Variants in SMCHD1 observed in about 807,000 individuals in gnomAD.
SMCHD1 encodes structural maintenance of chromosomes flexible hinge domain-containing protein 1.
Under a neutral mutation model 254.7 loss-of-function variants are expected in SMCHD1, and 78 were observed. The ratio of observed to expected loss-of-function variants is 0.31; its 90% CI spans 0.26 to 0.37. SMCHD1 has a LOEUF of 0.37. Among genes scored for constraint, SMCHD1 ranks in the 10% least tolerant of loss-of-function variants. SMCHD1 has a pLI of 1.00. For missense variants in SMCHD1, 1,840 were observed against 2,408.1 expected (o/e 0.76, Z 4.94); for synonymous variants, 766 against 794.9 (o/e 0.96, Z 0.61).
At position 2,718,162 on chromosome 18, in the gene SMCHD1, A is replaced by G; in HGVS notation, c.2265A>G (p.Ser755=). The change falls in exon 18 of 48, where the codon TCA becomes TCG. Residue 755 remains serine (S), a synonymous_variant. Coordinates refer to ENST00000320876, the MANE Select transcript of SMCHD1 (RefSeq NM_015295.3). This position sits in a 1 kb window ranked among gnomAD's most constrained non-coding sequence, Gnocchi z 4.6. The stretch of plus-strand genomic sequence containing the variant: ...TTTCTTTTTTCTTTTATTAAGCTTC[A>G]AGTGGAAATAAAGAGATTATTTCGC... ...LVELKVILHS[S]SGNKEIISHI... is the part of the protein sequence containing the mutation. The G allele has an allele frequency of 6.2e-7, 1 of 1,605,644 alleles. No homozygotes were observed. Among genetic ancestry groups the G allele is most frequent in the Non-Finnish European group, 8.5e-7 (1 of 1,176,114 alleles).
intron 2 of SMCHD1, 151 bp from the exon 3 acceptor site, chr18:2,666,719 T>G: frequency 1.8e-6 from 1 of 569,084 alleles, no homozygotes; most frequent in Non-Finnish European, 3.0e-6. Flanking sequence ...TTAATATCCT[T>G]AACATGACTT....
At chr18:2,762,264 G>C (rs761563742) in intron 36 of SMCHD1, 28 bp downstream of exon 36, 18 of 1,606,544 alleles carry the variant, frequency 1.1e-5, no homozygotes, top group Non-Finnish European at 1.4e-5. Flanking sequence ...CCAAAACTGC[G>C]AAGGGTAACA....
intron 1 of SMCHD1, among the ~76,000 whole-genome samples, chr18:2,663,941 T>G (rs986760424): frequency 4.6e-5 from 7 of 152,140 alleles, no homozygotes; most frequent in East Asian, 3.9e-4. Flanking sequence ...GGTCTCGATC[T>G]CCTGCCCTCG....
At chr18:2,725,047 A>G in intron 21 of SMCHD1, 52 bp downstream of exon 21, 1 of 1,066,900 alleles carries the variant, frequency 9.4e-7, no homozygotes, top group Non-Finnish European at 1.3e-6. Flanking sequence ...TATTTATCAT[A>G]TGGTAAGAAT....
chr18:2,667,244 CTAG>C (rs1432167534), intron 3 of SMCHD1, among the ~76,000 whole-genome samples: 2 of 152,150 alleles, frequency 1.3e-5, no homozygotes, highest in Non-Finnish European at 2.9e-5. Context: ...AGCTAACCTA[CTAG>C]TAGAACTTTT....
chr18:2,735,022 A>G (rs1296271866), intron 25 of SMCHD1, among the ~76,000 whole-genome samples: 1 of 151,854 alleles, frequency 6.6e-6, no homozygotes, highest in Admixed American at 6.6e-5. Flanking sequence ...GTGAGCCAAG[A>G]TTGCGCCACT....
chr18:2,700,748 ACTC>A lies in SMCHD1; in HGVS notation c.1483_1485del (p.Pro495del). Reference sequence around the variant, plus strand: ...GTTCTGTTCAAGCTTTGACTGGTGTACTCCTCCTAAGAAGAGAGGGCTTGCACC... The same window carrying A: ...GTTCTGTTCAAGCTTTGACTGGTGTACTCCTAAGAAGAGAGGGCTTGCACC... On this transcript the variant is annotated inframe_deletion, in exon 12 of 48. Transcript: ENST00000320876. The A allele has an allele frequency of 1.2e-6, 2 of 1,610,482 alleles. No individual in the cohort carries two copies. Among genetic ancestry groups the A allele is most frequent in the Non-Finnish European group, 1.7e-6 (2 of 1,178,288 alleles).
intron 4 of SMCHD1, 100 bp downstream of exon 4, chr18:2,673,463 G>T: frequency 1.1e-6 from 1 of 883,050 alleles, no homozygotes; most frequent in Non-Finnish European, 1.6e-6. Context: ...ACTAAAAGTA[G>T]AAATAATTGT....
chr18:2,745,473 G>A (rs981365517), intron 29 of SMCHD1, among the ~76,000 whole-genome samples: 8 of 152,208 alleles, frequency 5.3e-5, no homozygotes, highest in African/African-American at 1.9e-4. Flanking sequence ...CAGATAAACT[G>A]GTTGTGACAG....
At chr18:2,658,614 T>A (rs1448497844) in intron 1 of SMCHD1, among the ~76,000 whole-genome samples, 1 of 152,182 alleles carries the variant, frequency 6.6e-6, no homozygotes, top group African/African-American at 2.4e-5. Flanking sequence ...AAAAGAAGGC[T>A]GAGAAGGCTA....
In SMCHD1 at chr18:2,702,910, G is replaced by A. The variant is rs142410648; in HGVS notation, c.1648-782G>A. On this transcript the variant is annotated intron_variant, in intron 12 of 47. Transcript: ENST00000320876. Reference sequence around the variant, plus strand: ...TGTCCTCTGCGAAAGCATGTAATGGGGAGATTGTCTTACCTCCTCATTGCC... The same window carrying A: ...TGTCCTCTGCGAAAGCATGTAATGGAGAGATTGTCTTACCTCCTCATTGCC... 1.6e-3 allele frequency among the ~76,000 whole-genome samples: 236 copies of A among 152,232 alleles called. 2 individuals are homozygous for A. The highest frequency in any genetic ancestry group is 5.4e-3 in the African/African-American group (223 of 41,544).
At chr18:2,764,561 G>A (rs552492098) in intron 37 of SMCHD1, among the ~76,000 whole-genome samples, 94 of 152,184 alleles carry the variant, frequency 6.2e-4, no homozygotes, top group African/African-American at 2.1e-3. Flanking sequence ...CCCCATATCC[G>A]TGGGTTTCAC....
At chr18:2,774,599 A>G (rs530263340) in intron 41 of SMCHD1, among the ~76,000 whole-genome samples, 2 of 152,008 alleles carry the variant, frequency 1.3e-5, no homozygotes, top group East Asian at 1.9e-4. Context: ...TTTAGTGGAG[A>G]TGGGGTTTCG....
At chr18:2,751,152 A>G (rs1157835152) in intron 32 of SMCHD1, 126 bp from the exon 33 acceptor site, 4 of 570,452 alleles carry the variant, frequency 7.0e-6, no homozygotes, top group Non-Finnish European at 1.2e-5. Flanking sequence ...TCAGAATTGT[A>G]TTAACATTTA....
intron 40 of SMCHD1, 69 bp downstream of exon 40, chr18:2,771,687 GTTT>G: frequency 8.2e-7 from 1 of 1,220,218 alleles, no homozygotes; most frequent in Non-Finnish European, 1.1e-6. Flanking sequence ...CAATTATTCA[GTTT>G]TTATTAGGAA....
At chr18:2,745,594 C>G (rs1211716426) in intron 29 of SMCHD1, among the ~76,000 whole-genome samples, 1 of 152,066 alleles carries the variant, frequency 6.6e-6, no homozygotes, top group Non-Finnish European at 1.5e-5. Flanking sequence ...TAAATTAACC[C>G]ACTTTTTATA....
chr18:2,722,418 A>G lies in SMCHD1; in HGVS notation c.2459-101A>G, dbSNP rs2074946237. 1.0e-5 allele frequency: 10 copies of G among 970,800 alleles called. No homozygotes were observed. In the South Asian group the frequency reaches 1.5e-4, roughly 15 times the overall value. The allele number at this position is 970,800 out of a possible 1,614,324, so 60.1% of individuals were successfully genotyped here. A position where few individuals can be genotyped will look rare whatever the true frequency, so the allele number is the denominator to read the frequency against. On this transcript the variant is annotated intron_variant, in intron 19 of 47. Transcript: ENST00000320876. ...TTATTTTTAGCATAGTCTAAAATAG[A>G]TTTCTAAAATTTCTCAGATAGAAAT... is the stretch of plus-strand genomic sequence containing the variant.
intron 45 of SMCHD1, among the ~76,000 whole-genome samples, chr18:2,795,045 TTTTTG>T (rs1555658556): frequency 5.9e-5 from 9 of 151,892 alleles, no homozygotes; most frequent in Admixed American, 2.0e-4. Flanking sequence ...CTGGGTTTTT[TTTTTG>T]TTTTGTTTTG....
chr18:2,694,240 A>G (rs1422504320), intron 7 of SMCHD1, among the ~76,000 whole-genome samples: 1 of 152,168 alleles, frequency 6.6e-6, no homozygotes, highest in East Asian at 1.9e-4. Context: ...TTTAAAACTC[A>G]GTATTTGTCT....
Sources: allele counts gnomAD v4.1 joint callset (sites outside exome capture counted in the v4.1 genomes callset), GRCh38; gene constraint gnomAD v4.1.1; non-coding constraint Gnocchi (gnomAD v3.1); transcripts MANE v1.5; gene names NCBI Gene and HGNC (gene_info 2026-07-23, HGNC 2026-07-21).